WDR11: variants seen among roughly 807,000 people sequenced by gnomAD.
WDR11 encodes the protein WD repeat domain 11, also known as WD repeat-containing protein 11.
A neutral mutation model predicts 151.2 loss-of-function variants in WDR11; 83 were observed. The ratio of observed to expected loss-of-function variants is 0.55; its 90% CI spans 0.46 to 0.66. WDR11 has a LOEUF of 0.66. Among genes scored for constraint, WDR11 ranks in the 30% least tolerant of loss-of-function variants. The pLI, the probability that WDR11 is intolerant of heterozygous loss-of-function variation, is 0.00. For synonymous variants in WDR11, 484 were observed against 533.1 expected (o/e 0.91, Z 1.27); for missense variants, 1,301 against 1,480.9 (o/e 0.88, Z 1.99).
At position 120,851,418 on chromosome 10, in the gene WDR11, G is replaced by T; in HGVS notation, c.-3G>T. 2 of 1,609,234 alleles carry T rather than the reference G, an allele frequency of 1.2e-6. No individual in the cohort carries two copies. The highest frequency in any genetic ancestry group is 8.5e-7 in the Non-Finnish European group (1 of 1,178,666). On this transcript the variant is annotated 5_prime_UTR_variant, in exon 1 of 29. Transcript: ENST00000263461. The stretch of plus-strand genomic sequence containing the variant: ...GCGCCCAGGTCCTGGGCTGGCCGCC[G>T]GGATGTTGCCCTACACAGTGAACTT...
At position 120,908,983 on chromosome 10, in the gene WDR11, C is replaced by A. The variant is rs1848184177; in HGVS notation, c.*270C>A. 4.7e-6 allele frequency: 2 copies of A among 421,324 alleles called. No individual in the cohort carries two copies. Among genetic ancestry groups the A allele is most frequent in the East Asian group, 4.2e-5 (1 of 23,864 alleles). 26.1% of individuals were successfully genotyped at this position (421,324 alleles called of 1,614,324 possible). ...ACTTTGGGAGAGAGCTTTAAGAGTCCCTGGAAATACTTTTTAATTTTTTTA... is the reference window on the plus strand; with the variant it reads ...ACTTTGGGAGAGAGCTTTAAGAGTCACTGGAAATACTTTTTAATTTTTTTA... On this transcript the variant is annotated 3_prime_UTR_variant, in exon 29 of 29. Coordinates refer to ENST00000263461, the MANE Select transcript of WDR11 (RefSeq NM_018117.12).
chr10:120,883,929 A>C, intron 14 of WDR11, 41 bp downstream of exon 14: 1 of 1,496,754 alleles, frequency 6.7e-7, no homozygotes, highest in Non-Finnish European at 9.3e-7. Context: ...ATTTAGGTAT[A>C]TATGTATGTG....
In WDR11 at chr10:120,886,722, TAGTC is replaced by T. The variant is rs770768779; in HGVS notation, c.2010_2013del (p.Ser670ArgfsTer28). On this transcript the variant is annotated frameshift_variant, in exon 16 of 29. Transcript: ENST00000263461. LOFTEE classifies it high-confidence loss of function. The stretch of plus-strand genomic sequence containing the variant: ...AGGAGGCAGAAAGTAAATCTGAACT[TAGTC>T]AGAACATCTCTGCCCGGGAACATTT... 7 of 1,614,022 alleles carry T rather than the reference TAGTC, an allele frequency of 4.3e-6. No individual in the cohort carries two copies. Among genetic ancestry groups the T allele is most frequent in the South Asian group, 3.3e-5 (3 of 91,072 alleles).
chr10:120,894,577 C>G (rs1847539617), intron 19 of WDR11, among the ~76,000 whole-genome samples: 1 of 152,128 alleles, frequency 6.6e-6, no homozygotes. Context: ...TCCTTTCCTT[C>G]CCAGACTTCC....
chr10:120,900,593 G>A (rs947815896), intron 20 of WDR11, among the ~76,000 whole-genome samples: 4 of 152,154 alleles, frequency 2.6e-5, no homozygotes, highest in Non-Finnish European at 4.4e-5. Flanking sequence ...AAATATTACT[G>A]AACTCCTGCC....
intron 11 of WDR11, among the ~76,000 whole-genome samples, chr10:120,874,190 TTTGTTG>T (rs1554854853): frequency 3.2e-4 from 34 of 105,038 alleles, no homozygotes; most frequent in African/African-American, 1.2e-3. Flanking sequence ...TTTTTTTTTT[TTTGTTG>T]TTGTTGTTGT....
intron 16 of WDR11, among the ~76,000 whole-genome samples, chr10:120,887,935 AT>A (rs1054463415): frequency 5.3e-4 from 52 of 97,550 alleles, no homozygotes; most frequent in South Asian, 2.6e-3. Flanking sequence ...TTTCTTTAAT[AT>A]TTTTTTTTAT....
chr10:120,894,674 T>C (rs1362784471), intron 19 of WDR11, among the ~76,000 whole-genome samples: 1 of 152,248 alleles, frequency 6.6e-6, no homozygotes, highest in Non-Finnish European at 1.5e-5. Flanking sequence ...TTACTGATTT[T>C]CTGCATTCCT....
intron 22 of WDR11, 45 bp from the exon 23 acceptor site, chr10:120,903,009 GC>G: frequency 6.2e-7 from 1 of 1,603,938 alleles, no homozygotes; most frequent in Non-Finnish European, 8.5e-7. Context: ...AGCCATCCAG[GC>G]CAGGTGTGCT....
intron 20 of WDR11, among the ~76,000 whole-genome samples, chr10:120,900,489 C>T (rs1266933627): frequency 1.3e-5 from 2 of 152,162 alleles, no homozygotes; most frequent in South Asian, 4.1e-4. Flanking sequence ...GCATCATTAG[C>T]TTCAGGGATA....
intron 5 of WDR11, 131 bp downstream of exon 5, chr10:120,863,052 G>GA: frequency 2.9e-6 from 2 of 684,660 alleles, no homozygotes; most frequent in Non-Finnish European, 5.0e-6. Flanking sequence ...TTTATTAGAG[G>GA]AAAAAAATAT....
chr10:120,886,915 T>C (rs1590096614), intron 16 of WDR11, 79 bp downstream of exon 16: 2 of 1,525,532 alleles, frequency 1.3e-6, no homozygotes, highest in Non-Finnish European at 1.8e-6. Context: ...CATAGTTAAG[T>C]TGGAAACTTC....
chr10:120,865,846 T>C, intron 7 of WDR11, 102 bp downstream of exon 7: 1 of 773,066 alleles, frequency 1.3e-6, no homozygotes, highest in Non-Finnish European at 2.2e-6. Context: ...ATGATACTCC[T>C]TGCTTTGAGG....
At chr10:120,898,422 GACAA>G (rs943944505) in intron 19 of WDR11, among the ~76,000 whole-genome samples, 56 of 152,226 alleles carry the variant, frequency 3.7e-4, no homozygotes, top group African/African-American at 1.2e-3. Flanking sequence ...GTTTAAATTA[GACAA>G]ACATTCATTT....
chr10:120,870,876 G>A (rs1318096408), intron 9 of WDR11, among the ~76,000 whole-genome samples: 1 of 152,084 alleles, frequency 6.6e-6, no homozygotes, highest in African/African-American at 2.4e-5. Flanking sequence ...CCTGTGTAGT[G>A]CTTTAATACC....
At chr10:120,902,847 G>T (rs1483995943) in intron 22 of WDR11, among the ~76,000 whole-genome samples, 1 of 152,062 alleles carries the variant, frequency 6.6e-6, no homozygotes, top group South Asian at 2.1e-4. Flanking sequence ...AGTCTGAAGG[G>T]GTCCTGTGCA....
Position 120,871,160 on chromosome 10 carries a change from T to TA in WDR11, c.1295-9dup. 1 of 1,613,978 alleles carries TA rather than the reference T, an allele frequency of 6.2e-7. No homozygotes were observed. The highest frequency in any genetic ancestry group is 8.5e-7 in the Non-Finnish European group (1 of 1,179,870). ...TAGTTAATATATTTGTTATTTTTAT[T>TA]ACAAATCAGGGCAAAGTGCAATTGC... is the stretch of plus-strand genomic sequence containing the variant. On this transcript the variant is annotated splice_polypyrimidine_tract_variant and intron_variant, in intron 9 of 28. Transcript: ENST00000263461.
At chr10:120,868,056 A>C (rs937561623) in intron 9 of WDR11, among the ~76,000 whole-genome samples, 3 of 152,180 alleles carry the variant, frequency 2.0e-5, no homozygotes, top group Admixed American at 1.3e-4. Flanking sequence ...TGGTTTATAA[A>C]GGATTTTCTG....
chr10:120,870,747 G>C (rs11199611), intron 9 of WDR11, among the ~76,000 whole-genome samples: 1,993 of 152,220 alleles, frequency 0.013, 17 homozygotes, highest in Non-Finnish European at 0.018. Flanking sequence ...GTACTTTACA[G>C]AGTACATCAG....
Sources: gnomAD v4.1 joint callset for allele counts (sites outside exome capture counted in the v4.1 genomes callset) on GRCh38, gnomAD v4.1.1 for gene constraint, MANE v1.5 for transcripts, NCBI Gene and HGNC (gene_info 2026-07-23, HGNC 2026-07-21) for gene names.